The following PRKN variants were observed in gnomAD, a reference collection of about 807,000 sequenced individuals.
PRKN encodes parkin RBR E3 ubiquitin protein ligase, also known as E3 ubiquitin-protein ligase parkin.
Under a neutral mutation model 59.5 loss-of-function variants are expected in PRKN, and 56 were observed. The observed-to-expected ratio is 0.94, with a 90% CI of 0.76 to 1.18. The LOEUF (loss-of-function observed/expected upper bound fraction) is 1.18, where lower values mean the gene tolerates loss of function less well. Ranked by LOEUF, PRKN falls within the 50% of genes most tolerant of loss-of-function variation. The pLI is 0.00. For missense variants in PRKN, 657 were observed against 596.4 expected, an observed-to-expected ratio of 1.10 and a Z score of -1.06; for synonymous variants, 250 against 222.1, an observed-to-expected ratio of 1.13 and a Z score of -1.12.
rs75918720 is a variant in PRKN, at chr6:162,314,024, A to C, written c.172-51259T>G. Among the ~76,000 whole-genome samples, 305 of 152,326 alleles carry C rather than the reference A, an allele frequency of 2.0e-3. 9 individuals are homozygous for C. The Middle Eastern group carries it at 0.027, about 14-fold the overall frequency. ...GAGAAGTACACAAAACAACTCAATG[A>C]GTCATCAGGTAGCAAACAGTCATAT... On this transcript the variant is annotated intron_variant, in intron 2 of 11. Transcript: ENST00000366898.
intron 3 of PRKN, among the ~76,000 whole-genome samples, chr6:162,258,874 ACAT>A (rs1174072437): frequency 1.3e-5 from 2 of 152,224 alleles, no homozygotes; most frequent in African/African-American, 4.8e-5. Context: ...TTCTTCATGT[ACAT>A]CATGTTATCA....
chr6:161,970,979 C>G (rs765107296), intron 6 of PRKN, among the ~76,000 whole-genome samples: 2 of 152,114 alleles, frequency 1.3e-5, no homozygotes, highest in African/African-American at 2.4e-5. Context: ...GTGGATCCCT[C>G]GAAGTCAGAA....
intron 1 of PRKN, among the ~76,000 whole-genome samples, chr6:162,550,495 G>C (rs1423280585): frequency 6.6e-6 from 1 of 152,062 alleles, no homozygotes; most frequent in Non-Finnish European, 1.5e-5. Flanking sequence ...GGAGAAGGAG[G>C]AGCTGAAGTA....
chr6:162,546,606 G>A (rs1583772980), intron 1 of PRKN, among the ~76,000 whole-genome samples: 5 of 151,162 alleles, frequency 3.3e-5, no homozygotes, highest in African/African-American at 2.4e-5. Context: ...ACCACGCCCG[G>A]CTAATTTTTG....
rs1228383306 is a variant in PRKN, at chr6:161,581,315, ACTT to A, written c.872-11902_872-11900del. ...AGAACCTGTCAAAGGTCATTTCACT[ACTT>A]CTGTGCTGTCCTTTTGGTCTAAGTT... On this transcript the variant is annotated intron_variant, in intron 7 of 11. Transcript: ENST00000366898. This position sits in a 1 kb window ranked among gnomAD's most constrained non-coding sequence, Gnocchi z 4.5. 2.6e-5 allele frequency among the ~76,000 whole-genome samples: 4 copies of A among 152,322 alleles called. No individual in the cohort carries two copies. The East Asian group carries it at 7.7e-4, about 29-fold the overall frequency.
At chr6:162,366,086 A>G (rs1010490716) in intron 2 of PRKN, among the ~76,000 whole-genome samples, 1 of 152,214 alleles carries the variant, frequency 6.6e-6, no homozygotes, top group Non-Finnish European at 1.5e-5. Context: ...ATGGCAATTT[A>G]TATTGTCACC....
chr6:162,214,110 A>G (rs1489483290), intron 3 of PRKN, among the ~76,000 whole-genome samples: 4 of 152,038 alleles, frequency 2.6e-5, no homozygotes, highest in Non-Finnish European at 5.9e-5. Flanking sequence ...CAGCATACAC[A>G]CACGAACACC....
At chr6:162,076,185 T>A (rs1778820071) in intron 4 of PRKN, among the ~76,000 whole-genome samples, 1 of 151,972 alleles carries the variant, frequency 6.6e-6, no homozygotes, top group Admixed American at 6.5e-5. Context: ...GCCAGACTGG[T>A]CTCGAACTCC....
In PRKN at chr6:162,472,649, G is replaced by A. The variant is rs537330295; in HGVS notation, c.8-29176C>T. On this transcript the variant is annotated intron_variant, in intron 1 of 11. Coordinates refer to ENST00000366898, the MANE Select transcript of PRKN (RefSeq NM_004562.3). ...ACTACAGGCGCCCGCCACCACGCCC[G>A]GCTAATTTTTTTTTTGTATTTTTAG... Among the ~76,000 whole-genome samples the A allele has an allele frequency of 8.0e-5, 10 of 125,436 alleles. No individual in the cohort carries two copies. The South Asian group carries it at 1.1e-3, about 14-fold the overall frequency. 82.3% of individuals were successfully genotyped at this position (125,436 alleles called of 152,430 possible). A position where few individuals can be genotyped will look rare whatever the true frequency, so the allele number is the denominator to read the frequency against.
At chr6:162,045,731 A>G (rs1245774704) in intron 5 of PRKN, among the ~76,000 whole-genome samples, 1 of 152,172 alleles carries the variant, frequency 6.6e-6, no homozygotes, top group Non-Finnish European at 1.5e-5. Flanking sequence ...GGTCCCTGGG[A>G]GCCATCAATC....
intron 4 of PRKN, among the ~76,000 whole-genome samples, chr6:162,162,004 A>AAC (rs1562551049): frequency 8.5e-5 from 13 of 152,274 alleles, no homozygotes; most frequent in Non-Finnish European, 1.5e-4. Context: ...ACCAAAAGAA[A>AAC]CAAAATGATA....
In PRKN at chr6:162,348,332, C is replaced by T. The variant is rs1381916239; in HGVS notation, c.172-85567G>A. Among the ~76,000 whole-genome samples, 4 of 152,128 alleles carry T rather than the reference C, an allele frequency of 2.6e-5. No individual in the cohort carries two copies. In the East Asian group the frequency reaches 7.7e-4, roughly 29 times the overall value. On this transcript the variant is annotated intron_variant, in intron 2 of 11. Coordinates refer to ENST00000366898, the MANE Select transcript of PRKN (RefSeq NM_004562.3). ...ATAAAACTATTTCCAAGTAACTTAACTCGGTCCCAGAACAACGACCAAAAA... is the reference window on the plus strand; with the variant it reads ...ATAAAACTATTTCCAAGTAACTTAATTCGGTCCCAGAACAACGACCAAAAA...
In PRKN at chr6:161,372,825, A is replaced by ATTTTT. The variant is rs11293379; in HGVS notation, c.1168-12625_1168-12621dup. Among the ~76,000 whole-genome samples the ATTTTT allele has an allele frequency of 1.7e-5, 2 of 114,440 alleles. No individual in the cohort carries two copies. The highest frequency in any genetic ancestry group is 3.6e-5 in the Non-Finnish European group (2 of 55,730). 75.1% of individuals were successfully genotyped at this position (114,440 alleles called of 152,430 possible). A position where few individuals can be genotyped will look rare whatever the true frequency, so the allele number is the denominator to read the frequency against. On this transcript the variant is annotated intron_variant, in intron 10 of 11. Transcript: ENST00000366898. This position sits in a 1 kb window ranked among gnomAD's most constrained non-coding sequence, Gnocchi z 4.2. Reference sequence around the variant, plus strand: ...TGGTCAACAAAGACAGAGAGACCCTATTTTTTTTTTTTTTTTTTTTTTGAG... The same window carrying ATTTTT: ...TGGTCAACAAAGACAGAGAGACCCTATTTTTTTTTTTTTTTTTTTTTTTTTTTGAG...
intron 6 of PRKN, among the ~76,000 whole-genome samples, chr6:161,926,404 A>C (rs74875473): frequency 0.013 from 1,909 of 152,260 alleles, 44 homozygotes; most frequent in African/African-American, 0.042. Flanking sequence ...CATCTCCCTC[A>C]CTTGACTTAC....
intron 1 of PRKN, among the ~76,000 whole-genome samples, chr6:162,558,145 TA>T (rs199631691): frequency 1.1e-4 from 16 of 152,116 alleles, no homozygotes; most frequent in African/African-American, 2.9e-4. Context: ...GATTTGATGA[TA>T]AAAAAAATCA....
intron 3 of PRKN, among the ~76,000 whole-genome samples, chr6:162,250,836 A>G (rs544655381): frequency 5.9e-5 from 9 of 152,250 alleles, no homozygotes; most frequent in African/African-American, 1.9e-4. Context: ...TATTTTTTTA[A>G]TTATCAATTT....
At chr6:161,426,311 G>T (rs1213213256) in intron 9 of PRKN, among the ~76,000 whole-genome samples, 1 of 152,068 alleles carries the variant, frequency 6.6e-6, no homozygotes, top group Non-Finnish European at 1.5e-5. Context: ...ATTGATCATG[G>T]GTATGTCTGT....
intron 1 of PRKN, among the ~76,000 whole-genome samples, chr6:162,456,661 T>C (rs1050853127): frequency 6.6e-6 from 1 of 152,192 alleles, no homozygotes; most frequent in Non-Finnish European, 1.5e-5. Flanking sequence ...GCATTGTTCC[T>C]AGGGGAAAAA....
intron 6 of PRKN, among the ~76,000 whole-genome samples, chr6:161,850,378 G>A (rs1233567938): frequency 6.6e-6 from 1 of 151,958 alleles, no homozygotes; most frequent in South Asian, 2.1e-4. Flanking sequence ...AAGAGATAGA[G>A]ACCATCCTGG....
Sources: gnomAD v4.1 joint callset for allele counts (sites outside exome capture counted in the v4.1 genomes callset) on GRCh38, gnomAD v4.1.1 for gene constraint, Gnocchi (gnomAD v3.1) non-coding constraint, MANE v1.5 for transcripts, NCBI Gene and HGNC (gene_info 2026-07-23, HGNC 2026-07-21) for gene names.